Variants in FAF1 observed in about 807,000 individuals in gnomAD.
FAF1 encodes FAS-associated factor 1.
Under a neutral mutation model 92.5 loss-of-function variants are expected in FAF1, and 25 were observed. That is an observed-to-expected ratio of 0.27 (90% CI 0.20 to 0.38). The LOEUF (loss-of-function observed/expected upper bound fraction) is 0.38. Among genes scored for constraint, FAF1 ranks in the 10% least tolerant of loss-of-function variants. The pLI is 1.00. For missense variants in FAF1, 636 were observed against 793.3 expected (o/e 0.80, Z 2.38); for synonymous variants, 234 against 273.2 (o/e 0.86, Z 1.42).
intron 17 of FAF1, among the ~76,000 whole-genome samples, chr1:50,486,724 G>A (rs773009848): frequency 1.1e-4 from 16 of 151,988 alleles, no homozygotes; most frequent in Non-Finnish European, 1.9e-4. Flanking sequence ...ACTATGCCTC[G>A]CACCTACAGC....
At chr1:50,815,117 T>C (rs1643954594) in intron 2 of FAF1, among the ~76,000 whole-genome samples, 2 of 152,136 alleles carry the variant, frequency 1.3e-5, no homozygotes, top group African/African-American at 4.8e-5. Flanking sequence ...ATTCCGGGGG[T>C]ACATCTGCCG....
intron 9 of FAF1, among the ~76,000 whole-genome samples, chr1:50,590,942 A>C (rs1651472713): frequency 6.6e-6 from 1 of 151,392 alleles, no homozygotes. Context: ...AGATCGTGCC[A>C]CTGTACTCCA....
intron 8 of FAF1, among the ~76,000 whole-genome samples, chr1:50,600,972 G>A (rs1163725271): frequency 6.6e-6 from 1 of 152,096 alleles, no homozygotes; most frequent in African/African-American, 2.4e-5. Flanking sequence ...AAAGCTCTCT[G>A]GGGTCTTTGA....
intron 13 of FAF1, among the ~76,000 whole-genome samples, chr1:50,549,192 C>T (rs895302952): frequency 6.6e-5 from 10 of 152,132 alleles, no homozygotes; most frequent in African/African-American, 9.7e-5. Flanking sequence ...AAGATAACGT[C>T]CTACTCAGAG....
At chr1:50,561,630 A>G (rs938141867) in intron 13 of FAF1, among the ~76,000 whole-genome samples, 2 of 152,152 alleles carry the variant, frequency 1.3e-5, no homozygotes, top group African/African-American at 4.8e-5. Context: ...GTTTTAGACC[A>G]GCCTGGCCAA....
At chr1:50,776,833 G>A (rs1485267812) in intron 4 of FAF1, among the ~76,000 whole-genome samples, 5 of 152,042 alleles carry the variant, frequency 3.3e-5, no homozygotes, top group Non-Finnish European at 4.4e-5. Flanking sequence ...TAATAAACCC[G>A]AGATGCCTTA....
At chr1:50,927,297 G>T (rs1645013808) in intron 1 of FAF1, among the ~76,000 whole-genome samples, 1 of 152,000 alleles carries the variant, frequency 6.6e-6, no homozygotes, top group South Asian at 2.1e-4. Context: ...TTACTGCATG[G>T]GGACCAAGCG....
rs866425737 is a variant in FAF1 at position 50,583,834 on chromosome 1, T to C, written c.968-119A>G. 17 of 558,250 alleles carry C rather than the reference T, an allele frequency of 3.0e-5. No individual in the cohort carries two copies. Among genetic ancestry groups the C allele is most frequent in the African/African-American group, 2.1e-4 (11 of 52,914 alleles). The allele number at this position is 558,250 out of a possible 1,614,324, so 34.6% of individuals were successfully genotyped here. ...ATATATTCAATCAATAAAGAGGAAA[T>C]AAAATTAAATTTTAGCTTCTGTGAT... On this transcript the variant is annotated intron_variant, in intron 10 of 18. Transcript: ENST00000396153. The surrounding 1 kb of genome is among the most constrained non-coding windows in gnomAD (Gnocchi z 4.2).
chr1:50,490,520 T>A lies in FAF1; in HGVS notation c.1653+68A>T, dbSNP rs568618930. On this transcript the variant is annotated intron_variant, in intron 17 of 18. Coordinates refer to ENST00000396153, the MANE Select transcript of FAF1 (RefSeq NM_007051.3). ...GAAGGAAGGAAGGAAGGAAGGAAGGTAGGTTAACAGCTTCAGTATCAAATA... is the reference window on the plus strand; with the variant it reads ...GAAGGAAGGAAGGAAGGAAGGAAGGAAGGTTAACAGCTTCAGTATCAAATA... 55 of 604,684 alleles carry A rather than the reference T, an allele frequency of 9.1e-5. 2 individuals carry two copies. Among genetic ancestry groups the A allele is most frequent in the Admixed American group, 2.4e-4 (8 of 33,570 alleles). 37.5% of individuals were successfully genotyped at this position (604,684 alleles called of 1,614,324 possible). A position where few individuals can be genotyped will look rare whatever the true frequency, so the allele number is the denominator to read the frequency against.
chr1:50,528,757 C>A (rs1429569553), intron 15 of FAF1, among the ~76,000 whole-genome samples: 1 of 152,094 alleles, frequency 6.6e-6, no homozygotes, highest in African/African-American at 2.4e-5. Flanking sequence ...TCTGCCTCCT[C>A]TTTCACCTCC....
intron 12 of FAF1, among the ~76,000 whole-genome samples, chr1:50,572,852 A>G (rs1213966292): frequency 6.6e-6 from 1 of 152,132 alleles, no homozygotes; most frequent in African/African-American, 2.4e-5. Flanking sequence ...CTTTATGAAG[A>G]TGATACTTTA....
At chr1:50,535,747 C>T (rs1648446413) in intron 14 of FAF1, among the ~76,000 whole-genome samples, 1 of 152,138 alleles carries the variant, frequency 6.6e-6, no homozygotes, top group Non-Finnish European at 1.5e-5. Flanking sequence ...TCATGAAGTT[C>T]AAAAGTTCTG....
At chr1:50,807,052 G>A (rs915296111) in intron 2 of FAF1, among the ~76,000 whole-genome samples, 1 of 152,116 alleles carries the variant, frequency 6.6e-6, no homozygotes, top group Non-Finnish European at 1.5e-5. Flanking sequence ...CTGAATGGCT[G>A]AAACGAAAGA....
intron 1 of FAF1, among the ~76,000 whole-genome samples, chr1:50,890,861 T>C (rs897834263): frequency 2.6e-5 from 4 of 152,206 alleles, no homozygotes; most frequent in Non-Finnish European, 5.9e-5. Context: ...CCCTGAGGAT[T>C]ATCTTTGTGA....
At chr1:50,819,690 TAC>T (rs1644015908) in intron 2 of FAF1, among the ~76,000 whole-genome samples, 20 of 59,198 alleles carry the variant, frequency 3.4e-4, no homozygotes, top group Non-Finnish European at 4.6e-4. Flanking sequence ...TATATATATA[TAC>T]ATATATATAT....
At position 50,959,692 on chromosome 1, in the gene FAF1, G is replaced by A. The variant is rs964597684; in HGVS notation, c.45+75C>T. Reference sequence around the variant, plus strand: ...CACACCACTGCAGCGTTCAAACGCTGGGAAGAAGACTCCCTTGTGGCACCG... The same window carrying A: ...CACACCACTGCAGCGTTCAAACGCTAGGAAGAAGACTCCCTTGTGGCACCG... On this transcript the variant is annotated intron_variant, in intron 1 of 18. Coordinates refer to ENST00000396153, the MANE Select transcript of FAF1 (RefSeq NM_007051.3). 3.0e-6 allele frequency: 4 copies of A among 1,331,660 alleles called. No individual in the cohort carries two copies. In the Admixed American group the frequency reaches 5.4e-5, roughly 18 times the overall value. 82.5% of individuals were successfully genotyped at this position (1,331,660 alleles called of 1,614,324 possible). A position where few individuals can be genotyped will look rare whatever the true frequency, so the allele number is the denominator to read the frequency against.
At chr1:50,458,157 G>A (rs1646379976) in intron 18 of FAF1, among the ~76,000 whole-genome samples, 1 of 151,924 alleles carries the variant, frequency 6.6e-6, no homozygotes, top group African/African-American at 2.4e-5. Context: ...AGGTTGCAGT[G>A]AGCTGAGATT....
intron 17 of FAF1, among the ~76,000 whole-genome samples, chr1:50,489,022 C>G (rs780122185): frequency 2.0e-5 from 3 of 152,142 alleles, no homozygotes; most frequent in Admixed American, 6.6e-5. Context: ...TCTTTTAAGA[C>G]CTGACTCAAA....
intron 4 of FAF1, among the ~76,000 whole-genome samples, chr1:50,757,758 T>A (rs2124521122): frequency 6.6e-6 from 1 of 152,302 alleles, no homozygotes; most frequent in East Asian, 1.9e-4. Context: ...TAATTATTTA[T>A]ATGGTCTTAT....
Sources: gnomAD v4.1 joint callset for allele counts (sites outside exome capture counted in the v4.1 genomes callset) on GRCh38, gnomAD v4.1.1 for gene constraint, Gnocchi (gnomAD v3.1) non-coding constraint, MANE v1.5 for transcripts, NCBI Gene and HGNC (gene_info 2026-07-23, HGNC 2026-07-21) for gene names.